The following PGM5 variants were observed in gnomAD, a reference collection of about 807,000 sequenced individuals.
PGM5 encodes the protein phosphoglucomutase-like protein 5.
Under a neutral mutation model 59.2 loss-of-function variants are expected in PGM5, and 23 were observed. The observed-to-expected ratio is 0.39, with a 90% CI of 0.28 to 0.55. PGM5 has a LOEUF of 0.55. Among genes scored for constraint, PGM5 ranks in the 20% least tolerant of loss-of-function variants. The pLI is 0.66. For synonymous variants in PGM5, 214 were observed against 286.0 expected, an observed-to-expected ratio of 0.75 and a Z score of 2.54; for missense variants, 574 against 748.3, an observed-to-expected ratio of 0.77 and a Z score of 2.72.
intron 10 of PGM5, among the ~76,000 whole-genome samples, chr9:68,517,610 A>T (rs546317450): frequency 6.6e-6 from 1 of 152,330 alleles, no homozygotes; most frequent in South Asian, 2.1e-4. Flanking sequence ...TAATTATTGC[A>T]TTGTTAATAT....
In PGM5 at chr9:68,357,112, C is replaced by T. The variant is rs782458432; in HGVS notation, c.-16C>T. ...TCCGGCTCCGGGAGCCGCAGCAGGA[C>T]CGGCCAGGAGGCGCCATGGAGGGGA... On this transcript the variant is annotated 5_prime_UTR_variant, in exon 1 of 11. Coordinates refer to ENST00000396396, the MANE Select transcript of PGM5 (RefSeq NM_021965.4). 43 of 1,496,414 alleles carry T rather than the reference C, an allele frequency of 2.9e-5. No individual in the cohort carries two copies. The highest frequency in any genetic ancestry group is 2.4e-4 in the Middle Eastern group (1 of 4,202). The allele number at this position is 1,496,414 out of a possible 1,614,324, so 92.7% of individuals were successfully genotyped here. A position where few individuals can be genotyped will look rare whatever the true frequency, so the allele number is the denominator to read the frequency against.
intron 1 of PGM5, among the ~76,000 whole-genome samples, chr9:68,377,742 G>A (rs1390441565): frequency 1.3e-5 from 2 of 152,394 alleles, no homozygotes; most frequent in Middle Eastern, 3.4e-3. Context: ...CAGGTGATGA[G>A]GTTGTACTAA....
rs182612915 is a variant in PGM5 at position 68,522,663 on chromosome 9, G to A, written c.1615-6904G>A. On this transcript the variant is annotated intron_variant, in intron 10 of 10. Transcript: ENST00000396396. ...ATTAATTGTGATTTTATTTTAATTT[G>A]CTTAAAATTTTTGATTTTAATACGC... Among the ~76,000 whole-genome samples, 77 of 152,212 alleles carry A rather than the reference G, an allele frequency of 5.1e-4. No homozygotes were observed. The East Asian group carries it at 0.012, about 24-fold the overall frequency.
intron 3 of PGM5, 54 bp from the exon 4 acceptor site, chr9:68,387,409 A>G (rs1231320330): frequency 4.6e-5 from 67 of 1,441,326 alleles, no homozygotes; most frequent in Non-Finnish European, 6.4e-5. Flanking sequence ...TATGCTTCCA[A>G]GTATCTTTCA....
chr9:68,368,669 G>T (rs1396215200), intron 1 of PGM5, among the ~76,000 whole-genome samples: 1 of 151,908 alleles, frequency 6.6e-6, no homozygotes, highest in Non-Finnish European at 1.5e-5. Context: ...TTTTGAAACA[G>T]GTTCTTGTTC....
At chr9:68,372,272 T>G (rs1391062280) in intron 1 of PGM5, among the ~76,000 whole-genome samples, 2 of 122,802 alleles carry the variant, frequency 1.6e-5, no homozygotes, top group Non-Finnish European at 3.5e-5. Context: ...CTAGGGAGAA[T>G]CTGCTCCCGC....
intron 10 of PGM5, among the ~76,000 whole-genome samples, chr9:68,523,451 A>C (rs554965860): frequency 6.4e-4 from 98 of 152,306 alleles, no homozygotes; most frequent in African/African-American, 2.3e-3. Flanking sequence ...GTTCAAGTTC[A>C]AGAACCACTC....
At chr9:68,461,443 G>T (rs1247676227) in intron 6 of PGM5, among the ~76,000 whole-genome samples, 5 of 152,132 alleles carry the variant, frequency 3.3e-5, no homozygotes, top group African/African-American at 1.2e-4. Context: ...GTTGCCACAG[G>T]TTTTGTTATG....
chr9:68,410,149 TGAA>T (rs1211445964), intron 6 of PGM5, among the ~76,000 whole-genome samples: 2 of 152,196 alleles, frequency 1.3e-5, no homozygotes, highest in Non-Finnish European at 2.9e-5. Context: ...AGAGAGAGGA[TGAA>T]GAAGAAGGGC....
At position 68,514,784 on chromosome 9, in the gene PGM5, C is replaced by T. The variant is rs547329707; in HGVS notation, c.1615-14783C>T. ...TAAATAGGATGCATTTATAGGGGTG[C>T]CTGGCCTCTATTTCTTCCTCATTTA... On this transcript the variant is annotated intron_variant, in intron 10 of 10. Transcript: ENST00000396396. 5.6e-4 allele frequency among the ~76,000 whole-genome samples: 85 copies of T among 152,278 alleles called. No individual in the cohort carries two copies. In the South Asian group the frequency reaches 0.017, roughly 31 times the overall value.
intron 9 of PGM5, among the ~76,000 whole-genome samples, chr9:68,494,112 G>C (rs1824443568): frequency 6.6e-6 from 1 of 152,022 alleles, no homozygotes; most frequent in Non-Finnish European, 1.5e-5. Flanking sequence ...CCTTTTTTGA[G>C]TGTGTGGCTA....
At chr9:68,394,577 G>A (rs1822450848) in intron 6 of PGM5, 1 of 151,468 alleles carries the variant, frequency 6.6e-6, no homozygotes, top group African/African-American at 2.4e-5. Flanking sequence ...GAGACACTGA[G>A]GGAAAATTTC....
chr9:68,529,616 A>C lies in PGM5; in HGVS notation c.1664A>C (p.His555Pro). ...ATCGCACTGAAAATATCCCAGATTC[A>C]TGAGAGAACTGGCCGGAGGGGACCC... ...IAIALKISQI[H>P]ERTGRRGPTV... Residue 555 changes from histidine (H) to proline (P), a missense_variant, in exon 11 of 11, where the codon CAT becomes CCT. By Grantham distance (77) the His-to-Pro change is moderately conservative. Around this residue, in one of 7 missense-constraint regions of PGM5, gnomAD observed 300 missense variants for 280.0 expected, o/e 1.07. Coordinates refer to ENST00000396396, the MANE Select transcript of PGM5 (RefSeq NM_021965.4). The C allele has an allele frequency of 6.2e-7, 1 of 1,601,200 alleles. No homozygotes were observed. Among genetic ancestry groups the C allele is most frequent in the East Asian group, 2.2e-5 (1 of 44,772 alleles).
At chr9:68,385,560 C>G (rs1168754119) in intron 3 of PGM5, among the ~76,000 whole-genome samples, 1 of 152,028 alleles carries the variant, frequency 6.6e-6, no homozygotes, top group African/African-American at 2.4e-5. Context: ...AGCCATGATA[C>G]TCACTGGAAG....
At chr9:68,429,222 C>G (rs922535402) in intron 6 of PGM5, 1 of 152,158 alleles carries the variant, frequency 6.6e-6, no homozygotes, top group African/African-American at 2.4e-5. Context: ...TTAGTTACTA[C>G]GATTACCATA....
rs1396236647 is a variant in PGM5, at chr9:68,437,609, A to G, written c.1044-27484A>G. Among the ~76,000 whole-genome samples the G allele has an allele frequency of 2.0e-5, 3 of 151,930 alleles. No homozygotes were observed. The highest frequency in any genetic ancestry group is 4.4e-5 in the Non-Finnish European group (3 of 67,974). ...CACACACACACACACACTCTCACACATTTTACCCACACATGCATATACTGT... is the reference window on the plus strand; with the variant it reads ...CACACACACACACACACTCTCACACGTTTTACCCACACATGCATATACTGT... On this transcript the variant is annotated intron_variant, in intron 6 of 10. Coordinates refer to ENST00000396396, the MANE Select transcript of PGM5 (RefSeq NM_021965.4). The surrounding 1 kb of genome is among the most constrained non-coding windows in gnomAD (Gnocchi z 4.1).
intron 10 of PGM5, among the ~76,000 whole-genome samples, chr9:68,511,371 C>G (rs1554689338): frequency 1.3e-5 from 2 of 152,068 alleles, no homozygotes; most frequent in Non-Finnish European, 2.9e-5. Flanking sequence ...ATGCTACGCC[C>G]TTTTCCTGTT....
At chr9:68,462,145 G>T (rs1368242270) in intron 6 of PGM5, among the ~76,000 whole-genome samples, 5 of 152,016 alleles carry the variant, frequency 3.3e-5, no homozygotes, top group African/African-American at 1.2e-4. Flanking sequence ...GAAAAAATGT[G>T]GCCCAGGTTA....
chr9:68,499,419 A>C, intron 10 of PGM5, 58 bp downstream of exon 10: 1 of 1,571,126 alleles, frequency 6.4e-7, no homozygotes, highest in Admixed American at 1.8e-5. Context: ...AAATTTAGAG[A>C]GCTCCATGGG....
Sources: allele counts gnomAD v4.1 joint callset (sites outside exome capture counted in the v4.1 genomes callset), GRCh38; gene constraint gnomAD v4.1.1; regional missense constraint gnomAD v4.1.1; non-coding constraint Gnocchi (gnomAD v3.1); transcripts MANE v1.5; gene names NCBI Gene and HGNC (gene_info 2026-07-23, HGNC 2026-07-21).